Variants in MCTP1 observed in about 807,000 individuals in gnomAD.
MCTP1 encodes multiple C2 and transmembrane domain-containing protein 1.
MCTP1 carries 69 observed loss-of-function variants against 120.6 expected under a neutral mutation model. The ratio of observed to expected loss-of-function variants is 0.57; its 90% confidence interval spans 0.47 to 0.70. The LOEUF (loss-of-function observed/expected upper bound fraction) is 0.70. MCTP1 is among the 30% of genes least tolerant of loss of function. The pLI, the probability that MCTP1 is intolerant of heterozygous loss-of-function variation, is 0.00. For missense variants in MCTP1, 1,203 were observed against 1,248.8 expected, an observed-to-expected ratio of 0.96 and a Z score of 0.55; for synonymous variants, 529 against 493.1, an observed-to-expected ratio of 1.07 and a Z score of -0.96.
intron 1 of MCTP1, among the ~76,000 whole-genome samples, chr5:95,064,986 C>T (rs896917303): frequency 1.3e-5 from 2 of 152,116 alleles, no homozygotes; most frequent in Non-Finnish European, 2.9e-5. Context: ...GACATTATAT[C>T]ATGTTTCTGC....
chr5:94,826,573 C>A, intron 17 of MCTP1: 3 of 739,320 alleles, frequency 4.1e-6, no homozygotes, highest in Non-Finnish European at 4.9e-6. Context: ...CCTTTCAAAG[C>A]ATCTTTTGGG....
At chr5:95,153,935 C>T (rs190354948) in intron 1 of MCTP1, among the ~76,000 whole-genome samples, 2 of 151,922 alleles carry the variant, frequency 1.3e-5, no homozygotes, top group African/African-American at 4.8e-5. Flanking sequence ...GTCTTTATTA[C>T]ATTTCTAAAA....
At chr5:94,840,805 T>C (rs1404908318) in intron 17 of MCTP1, among the ~76,000 whole-genome samples, 1 of 152,216 alleles carries the variant, frequency 6.6e-6, no homozygotes, top group Admixed American at 6.5e-5. Flanking sequence ...ATCTCCTAAT[T>C]TCTATAAAGG....
intron 1 of MCTP1, among the ~76,000 whole-genome samples, chr5:95,130,033 G>T (rs548248019): frequency 3.3e-5 from 5 of 152,234 alleles, no homozygotes; most frequent in African/African-American, 9.6e-5. Flanking sequence ...GGACATCAGT[G>T]CTTCTGCTTT....
At chr5:94,728,672 T>TA (rs1039218199) in intron 19 of MCTP1, among the ~76,000 whole-genome samples, 3 of 152,198 alleles carry the variant, frequency 2.0e-5, no homozygotes, top group Non-Finnish European at 4.4e-5. Context: ...GGCATGCTAA[T>TA]AGATACTATA....
intron 2 of MCTP1, among the ~76,000 whole-genome samples, chr5:94,986,508 G>A (rs1181531422): frequency 6.6e-6 from 1 of 152,056 alleles, no homozygotes; most frequent in Non-Finnish European, 1.5e-5. Context: ...AGGTCCATTT[G>A]TTTTTGTGTT....
intron 19 of MCTP1, among the ~76,000 whole-genome samples, chr5:94,778,611 C>A (rs903887346): frequency 2.6e-5 from 4 of 152,172 alleles, no homozygotes; most frequent in Admixed American, 2.6e-4. Flanking sequence ...TTCCAAACCT[C>A]GGCAAGGGCG....
intron 2 of MCTP1, among the ~76,000 whole-genome samples, chr5:95,005,769 TA>T (rs869231374): frequency 1.2e-4 from 1 of 8,658 alleles, no homozygotes; most frequent in East Asian, 0.014. Flanking sequence ...TTTCTTTCTT[TA>T]TTTTTTTTTT....
chr5:94,780,617 T>A (rs976929301), intron 18 of MCTP1, among the ~76,000 whole-genome samples: 3 of 152,158 alleles, frequency 2.0e-5, no homozygotes, highest in Non-Finnish European at 4.4e-5. Context: ...GTTTTGCATA[T>A]CTGATGAGAG....
chr5:94,741,549 G>T, intron 19 of MCTP1, among the ~76,000 whole-genome samples: 1 of 152,168 alleles, frequency 6.6e-6, no homozygotes, highest in East Asian at 1.9e-4. Context: ...GAGGAAACAG[G>T]CAAGCTCCAG....
At chr5:94,893,936 G>C (rs1803288175) in intron 11 of MCTP1, among the ~76,000 whole-genome samples, 1 of 152,170 alleles carries the variant, frequency 6.6e-6, no homozygotes, top group Non-Finnish European at 1.5e-5. Flanking sequence ...TTCATTGAGA[G>C]AGAATGGTGG....
At chr5:95,206,361 G>A (rs1751612443) in intron 1 of MCTP1, among the ~76,000 whole-genome samples, 1 of 152,116 alleles carries the variant, frequency 6.6e-6, no homozygotes, top group Non-Finnish European at 1.5e-5. Context: ...GGGGACTGGA[G>A]GTAATAGAGA....
chr5:95,228,647 C>A (rs919754761), intron 1 of MCTP1, among the ~76,000 whole-genome samples: 1 of 152,054 alleles, frequency 6.6e-6, no homozygotes, highest in Non-Finnish European at 1.5e-5. Flanking sequence ...GATTGTAATC[C>A]CCAATGTTGG....
intron 2 of MCTP1, among the ~76,000 whole-genome samples, chr5:95,003,948 C>T (rs1249938780): frequency 6.6e-6 from 1 of 152,048 alleles, no homozygotes; most frequent in Non-Finnish European, 1.5e-5. Context: ...CAGAAGAAGA[C>T]AGGAACATGA....
chr5:95,104,256 G>A (rs769599323), intron 1 of MCTP1, among the ~76,000 whole-genome samples: 12 of 152,028 alleles, frequency 7.9e-5, no homozygotes, highest in Non-Finnish European at 1.2e-4. Flanking sequence ...CTGTCTAAAC[G>A]CAGTTAACAA....
intron 1 of MCTP1, among the ~76,000 whole-genome samples, chr5:95,233,095 A>G (rs1384852193): frequency 1.3e-5 from 2 of 152,218 alleles, no homozygotes; most frequent in African/African-American, 4.8e-5. Flanking sequence ...GGCTTGAACA[A>G]CACAACCTGA....
intron 1 of MCTP1, among the ~76,000 whole-genome samples, chr5:95,075,482 C>A (rs953024436): frequency 2.6e-5 from 4 of 151,908 alleles, no homozygotes; most frequent in Non-Finnish European, 5.9e-5. Context: ...TAATCTCTCA[C>A]GAAAACTTGC....
chr5:95,210,062 T>G (rs1290668209), intron 1 of MCTP1, among the ~76,000 whole-genome samples: 1 of 152,190 alleles, frequency 6.6e-6, no homozygotes, highest in East Asian at 1.9e-4. Flanking sequence ...TCTGTTCTTT[T>G]ACATTTGCTG....
chr5:95,124,592 G>C (rs566230694), intron 1 of MCTP1, among the ~76,000 whole-genome samples: 2 of 152,202 alleles, frequency 1.3e-5, no homozygotes, highest in African/African-American at 4.8e-5. Context: ...CTGAAGTACA[G>C]TAGTCCTTGT....
Sources: gnomAD v4.1 joint callset for allele counts (sites outside exome capture counted in the v4.1 genomes callset) on GRCh38, gnomAD v4.1.1 for gene constraint, MANE v1.5 for transcripts, NCBI Gene and HGNC (gene_info 2026-07-23, HGNC 2026-07-21) for gene names.